The following TPO variants were observed in gnomAD, a reference collection of about 807,000 sequenced individuals.
The protein encoded by TPO is thyroid peroxidase.
Under a neutral mutation model 96.9 loss-of-function variants are expected in TPO, and 78 were observed. The observed-to-expected ratio is 0.81, with a 90% confidence interval of 0.67 to 0.97. The LOEUF is 0.97. Among genes scored for constraint, TPO ranks in the 50% least tolerant of loss-of-function variants. The pLI is 0.00. For missense variants in TPO, 1,252 were observed against 1,274.8 expected, an observed-to-expected ratio of 0.98 and a Z score of 0.27; for synonymous variants, 547 against 538.0, an observed-to-expected ratio of 1.02 and a Z score of -0.23.
At chr2:1,520,613 A>G (rs1675158335) in intron 15 of TPO, among the ~76,000 whole-genome samples, 1 of 152,262 alleles carries the variant, frequency 6.6e-6, no homozygotes, top group South Asian at 2.1e-4. Context: ...CTGCAAATCT[A>G]CGATTCGGAG....
At chr2:1,520,446 A>C (rs192189215) in intron 15 of TPO, among the ~76,000 whole-genome samples, 18 of 152,340 alleles carry the variant, frequency 1.2e-4, no homozygotes, top group African/African-American at 3.4e-4. Context: ...GGTGTGGCAC[A>C]CAGCAGGTGC....
At chr2:1,445,681 G>C (rs10180652) in intron 5 of TPO, among the ~76,000 whole-genome samples, 2 of 127,008 alleles carry the variant, frequency 1.6e-5, no homozygotes, top group Admixed American at 7.6e-5. Context: ...AGGAGGTACC[G>C]TGTTGGAAGG....
chr2:1,534,347 C>T (rs1477793529), intron 15 of TPO, among the ~76,000 whole-genome samples: 1 of 126,826 alleles, frequency 7.9e-6, no homozygotes, highest in Non-Finnish European at 1.7e-5. Context: ...TGCAACTTCC[C>T]TAAGTCGTCC....
intron 15 of TPO, among the ~76,000 whole-genome samples, chr2:1,529,293 C>CCGTG (rs1455607010): frequency 3.7e-4 from 44 of 118,562 alleles, no homozygotes; most frequent in African/African-American, 4.0e-4. Flanking sequence ...CTGTGTGCAA[C>CCGTG]CTCCCCAAAT....
chr2:1,395,921 T>C (rs898146630), intron 1 of TPO, among the ~76,000 whole-genome samples: 1 of 152,256 alleles, frequency 6.6e-6, no homozygotes, highest in African/African-American at 2.4e-5. Context: ...CCCAGCCATG[T>C]GGAACTGTGA....
intron 7 of TPO, among the ~76,000 whole-genome samples, chr2:1,463,148 G>A (rs986658604): frequency 6.6e-6 from 1 of 152,150 alleles, no homozygotes; most frequent in Non-Finnish European, 1.5e-5. Flanking sequence ...GAGGCCCCAG[G>A]GTGGGTCTCC....
At chr2:1,526,246 C>A (rs1371101518) in intron 15 of TPO, among the ~76,000 whole-genome samples, 2 of 88,400 alleles carry the variant, frequency 2.3e-5, no homozygotes, top group East Asian at 4.3e-4. Flanking sequence ...ACCCCCAAGT[C>A]CCCCCCACTG....
At chr2:1,395,767 A>AGTGTGTTCTAGTGATAGT (rs1662070017) in intron 1 of TPO, among the ~76,000 whole-genome samples, 1 of 149,572 alleles carries the variant, frequency 6.7e-6, no homozygotes, top group East Asian at 2.2e-4. Flanking sequence ...TTCTAGTGAT[A>AGTGTGTTCTAGTGATAGT]GTGTGTTCTA....
chr2:1,411,451 G>A (rs1282656053), upstream of TPO, among the ~76,000 whole-genome samples: 3 of 152,154 alleles, frequency 2.0e-5, no homozygotes, highest in African/African-American at 7.2e-5. Flanking sequence ...GTGATGAAAA[G>A]AGCATCCAGT....
At chr2:1,420,867 C>T (rs915993128) in intron 2 of TPO, among the ~76,000 whole-genome samples, 1 of 152,110 alleles carries the variant, frequency 6.6e-6, no homozygotes, top group Non-Finnish European at 1.5e-5. Context: ...GGGAAATTCA[C>T]ACCACATGGT....
At chr2:1,390,780 A>C (rs1279444183) in intron 1 of TPO, among the ~76,000 whole-genome samples, 4 of 152,146 alleles carry the variant, frequency 2.6e-5, no homozygotes, top group Non-Finnish European at 5.9e-5. Flanking sequence ...TTCTCTGATG[A>C]ACAGTGACAA....
chr2:1,446,894 C>A (rs1666876227), intron 5 of TPO, among the ~76,000 whole-genome samples: 1 of 152,118 alleles, frequency 6.6e-6, no homozygotes. Flanking sequence ...GTGTTTTCTG[C>A]TGAAAATGTT....
intron 1 of TPO, among the ~76,000 whole-genome samples, chr2:1,407,591 G>A (rs888297160): frequency 9.9e-5 from 15 of 152,066 alleles, no homozygotes; most frequent in African/African-American, 3.4e-4. Context: ...GGTGATGCAG[G>A]CATTTCAGGA....
In TPO at chr2:1,487,911, G is replaced by A. The variant is rs748994683; in HGVS notation, c.1688G>A (p.Arg563Lys). The change falls in exon 10 of 17, where the codon AGG (arginine) becomes AAG (lysine). Residue 563 changes from arginine (R) to lysine (K), a missense_variant. Physicochemically the swap from Arg to Lys is conservative, Grantham distance 26 (BLOSUM62 2). Coordinates refer to ENST00000329066, the MANE Select transcript of TPO (RefSeq NM_001206744.2). ...CTGATGAACGAGGAGCTGACGGAAA[G>A]GCTCTTTGTGCTGTCCAATTCCAGC... ...DQLMNEELTE[R>K]LFVLSNSSTL... 3 of 1,614,204 alleles carry A rather than the reference G, an allele frequency of 1.9e-6. No homozygotes were observed. The South Asian group carries it at 3.3e-5, about 18-fold the overall frequency.
chr2:1,444,691 T>C (rs1666591727), intron 5 of TPO, among the ~76,000 whole-genome samples: 1 of 26,552 alleles, frequency 3.8e-5, no homozygotes, highest in African/African-American at 1.1e-4. Flanking sequence ...AGGCACCATG[T>C]TGGAAGGGAA....
At chr2:1,483,509 C>G (rs753077909) in intron 8 of TPO, among the ~76,000 whole-genome samples, 3 of 152,196 alleles carry the variant, frequency 2.0e-5, no homozygotes, top group Admixed American at 6.5e-5. Context: ...GACCTTCTCA[C>G]GCGGTTAGGA....
At chr2:1,434,686 G>C (rs1439213501) in intron 4 of TPO, among the ~76,000 whole-genome samples, 1 of 152,164 alleles carries the variant, frequency 6.6e-6, no homozygotes, top group Non-Finnish European at 1.5e-5. Context: ...CGATGTTTAG[G>C]AGAATAGGCT....
intron 7 of TPO, among the ~76,000 whole-genome samples, chr2:1,470,759 G>C (rs1182712447): frequency 6.6e-6 from 1 of 152,132 alleles, no homozygotes; most frequent in East Asian, 1.9e-4. Context: ...ATTTCTGCTA[G>C]ACAACTTCAG....
At chr2:1,480,850 T>TCCCTGCTGCTGCGTCTGTCCAC (rs1296928653) in intron 8 of TPO, among the ~76,000 whole-genome samples, 61 of 60,582 alleles carry the variant, frequency 1.0e-3, no homozygotes, top group South Asian at 1.8e-3. Context: ...GTCCTCACCA[T>TCCCTGCTGCTGCGTCTGTCCAC]ACCCACTCTA....
Sources: allele counts gnomAD v4.1 joint callset (sites outside exome capture counted in the v4.1 genomes callset), GRCh38; gene constraint gnomAD v4.1.1; transcripts MANE v1.5; gene names NCBI Gene and HGNC (gene_info 2026-07-23, HGNC 2026-07-21).